The following TRA2B variants were observed in gnomAD, a reference collection of about 807,000 sequenced individuals.
TRA2B encodes transformer 2 beta homolog, also known as transformer-2 protein homolog beta.
A neutral mutation model predicts 41.7 loss-of-function variants in TRA2B; 14 were observed. The ratio of observed to expected loss-of-function variants is 0.34; its 90% CI spans 0.22 to 0.53. The LOEUF is 0.53. Ranked by LOEUF, TRA2B falls within the 20% of genes least tolerant of loss-of-function variation. The pLI, the probability that TRA2B is intolerant of heterozygous loss-of-function variation, is 0.95. For missense variants in TRA2B, 167 were observed against 396.8 expected (o/e 0.42, Z 4.92); for synonymous variants, 130 against 128.8 (o/e 1.01, Z -0.06).
intron 1 of TRA2B, among the ~76,000 whole-genome samples, chr3:185,930,079 T>C (rs1013083687): frequency 6.6e-6 from 1 of 152,104 alleles, no homozygotes; most frequent in Admixed American, 6.6e-5. Context: ...CAAAAACAAA[T>C]GGACACAATG....
chr3:185,922,229 A>T lies in TRA2B; in HGVS notation c.523-103T>A, dbSNP rs1743769764. 17 of 708,900 alleles carry T rather than the reference A, an allele frequency of 2.4e-5. No homozygotes were observed. The Admixed American group carries it at 2.6e-4, about 11-fold the overall frequency. The allele number at this position is 708,900 out of a possible 1,614,324, so 43.9% of individuals were successfully genotyped here. On this transcript the variant is annotated intron_variant, in intron 4 of 8. Coordinates refer to ENST00000453386, the MANE Select transcript of TRA2B (RefSeq NM_004593.3). Reference sequence around the variant, plus strand: ...CTGGACATTTCAGTTAGGTGCATTAAGTTATCTTAATGTTAGCCAGAACGT... The same window carrying T: ...CTGGACATTTCAGTTAGGTGCATTATGTTATCTTAATGTTAGCCAGAACGT...
rs763882075 is a variant in TRA2B, at chr3:185,923,814, A to G, written c.504T>C (p.Asn168=). The change falls in exon 4 of 9, where the codon AAT becomes AAC. Residue 168 remains asparagine, a synonymous_variant. Coordinates refer to ENST00000453386, the MANE Select transcript of TRA2B (RefSeq NM_004593.3). The part of the protein sequence containing the change: ...SRGFAFVYFE[N]VDDAKEAKER... ...TACTTACTTCCTTGGCATCATCTAC[A>G]TTTTCAAAATATACAAAGGCAAATC... The G allele has an allele frequency of 2.9e-5, 47 of 1,610,526 alleles. 1 individual carries two copies. In the South Asian group the frequency reaches 5.0e-4, roughly 17 times the overall value.
At chr3:185,936,190 A>G (rs1398153439) in intron 1 of TRA2B, 4 of 985,286 alleles carry the variant, frequency 4.1e-6, no homozygotes, top group African/African-American at 3.5e-5. Context: ...AAGGTACCCA[A>G]TAATTGAATT....
chr3:185,936,882 G>GC (rs1485275183), intron 1 of TRA2B: 1 of 985,096 alleles, frequency 1.0e-6, no homozygotes, highest in African/African-American at 1.8e-5. Flanking sequence ...TCTTGTTCCC[G>GC]CAATTCAATC....
At chr3:185,925,252 TTG>T (rs998425086) in intron 3 of TRA2B, 6 of 470,624 alleles carry the variant, frequency 1.3e-5, no homozygotes, top group African/African-American at 6.0e-5. Flanking sequence ...AGTTACACCA[TTG>T]TGTCAGTATT....
rs764085362 is a variant in TRA2B at position 185,917,661 on chromosome 3, T to C, written c.*54A>G. On this transcript the variant is annotated 3_prime_UTR_variant, in exon 9 of 9. Coordinates refer to ENST00000453386, the MANE Select transcript of TRA2B (RefSeq NM_004593.3). ...TTTAAACAAGAGACAATAAAAAATA[T>C]TGCCCACAAACAATATCCCAGCTCT... 17 of 1,597,956 alleles carry C rather than the reference T, an allele frequency of 1.1e-5. No individual in the cohort carries two copies. Among genetic ancestry groups the C allele is most frequent in the Middle Eastern group, 1.7e-4 (1 of 5,998 alleles).
rs1743963633 is a variant in TRA2B, at chr3:185,926,621, G to C, written c.150C>G (p.Ser50=). 6.2e-7 allele frequency: 1 copy of C among 1,614,098 alleles called. No homozygotes were observed. Residue 50 remains serine, a synonymous_variant, in exon 2 of 9, where the codon TCC becomes TCG. Transcript: ENST00000453386. ...CTTACCTAGATTCAGATCGGGACCTGGACTTTGATCTGGAACGCCTGGAAT... is the reference window on the plus strand; with the variant it reads ...CTTACCTAGATTCAGATCGGGACCTCGACTTTGATCTGGAACGCCTGGAAT... ...KEDSRRSRSK[S]RSRSESRSRS... is the part of the protein sequence containing the mutation.
At chr3:185,920,071 CTT>C (rs1197851088) in intron 6 of TRA2B, among the ~76,000 whole-genome samples, 1 of 152,142 alleles carries the variant, frequency 6.6e-6, no homozygotes. Flanking sequence ...TCAAAGATAT[CTT>C]TATTTTTAAA....
At chr3:185,935,368 G>A in intron 1 of TRA2B, 3 of 985,406 alleles carry the variant, frequency 3.0e-6, no homozygotes, top group South Asian at 4.7e-5. Flanking sequence ...AAATCCCACA[G>A]ACCAACGAGG....
At chr3:185,931,407 A>T (rs928700458) in intron 1 of TRA2B, 10 of 325,272 alleles carry the variant, frequency 3.1e-5, no homozygotes, top group African/African-American at 4.5e-5. Flanking sequence ...AATATTTTTT[A>T]AAAATTGCAT....
chr3:185,934,418 G>T, intron 1 of TRA2B: 1 of 985,402 alleles, frequency 1.0e-6, no homozygotes, highest in Non-Finnish European at 1.2e-6. Context: ...GGCAAAACCA[G>T]TAGTACTTAC....
chr3:185,933,791 T>C (rs890634422), intron 1 of TRA2B, among the ~76,000 whole-genome samples: 8 of 146,096 alleles, frequency 5.5e-5, no homozygotes, highest in Non-Finnish European at 1.1e-4. Flanking sequence ...CTCTTGTAAA[T>C]ATAGCACAGA....
Position 185,916,272 on chromosome 3 carries a change from G to A in TRA2B, c.*1443C>T, listed in dbSNP as rs1743496722. 6.6e-6 allele frequency: 1 copy of A among 152,174 alleles called. No individual in the cohort carries two copies. Among genetic ancestry groups the A allele is most frequent in the South Asian group, 2.1e-4 (1 of 4,832 alleles). 9.4% of individuals were successfully genotyped at this position (152,174 alleles called of 1,614,324 possible). On this transcript the variant is annotated 3_prime_UTR_variant, in exon 9 of 9. Transcript: ENST00000453386. ...GAGAACTGTGGACTAAGATCACCTA[G>A]GTTCAATTCAGATCGTGGCATTGCC...
chr3:185,919,817 G>A (rs932938413), intron 6 of TRA2B, among the ~76,000 whole-genome samples: 1 of 152,066 alleles, frequency 6.6e-6, no homozygotes, highest in Non-Finnish European at 1.5e-5. Context: ...GGGTTTTCAT[G>A]GGTGATAAAA....
At chr3:185,932,599 A>C (rs1025061083) in intron 1 of TRA2B, among the ~76,000 whole-genome samples, 2 of 152,220 alleles carry the variant, frequency 1.3e-5, no homozygotes, top group Admixed American at 6.5e-5. Context: ...TCAATTTAGA[A>C]AATATTAAGT....
chr3:185,927,214 T>C (rs1743984996), intron 1 of TRA2B: 1 of 152,318 alleles, frequency 6.6e-6, no homozygotes, highest in South Asian at 2.1e-4. Flanking sequence ...TTACTACTTA[T>C]AATTCAGTGA....
At chr3:185,929,244 A>G (rs982008527) in intron 1 of TRA2B, among the ~76,000 whole-genome samples, 6 of 152,242 alleles carry the variant, frequency 3.9e-5, no homozygotes, top group East Asian at 1.9e-4. Flanking sequence ...TGGGAAATAC[A>G]TATGGCAAGG....
intron 7 of TRA2B, among the ~76,000 whole-genome samples, chr3:185,918,689 G>A (rs919806321): frequency 6.6e-6 from 1 of 152,142 alleles, no homozygotes; most frequent in Non-Finnish European, 1.5e-5. Flanking sequence ...TAAATTTTGT[G>A]AACTATGTTA....
intron 2 of TRA2B, 99 bp from the exon 3 acceptor site, chr3:185,925,725 G>T: frequency 8.1e-7 from 1 of 1,234,014 alleles, no homozygotes; most frequent in Non-Finnish European, 1.1e-6. Context: ...GAACAATCCA[G>T]GAATATGCTA....
Sources: gnomAD v4.1 joint callset for allele counts (sites outside exome capture counted in the v4.1 genomes callset) on GRCh38, gnomAD v4.1.1 for gene constraint, MANE v1.5 for transcripts, NCBI Gene and HGNC (gene_info 2026-07-23, HGNC 2026-07-21) for gene names.